Variants in NRG1 observed in about 807,000 individuals in gnomAD.
NRG1 encodes neuregulin 1.
Under a neutral mutation model 63.8 loss-of-function variants are expected in NRG1, and 18 were observed. The observed-to-expected ratio is 0.28, with a 90% CI of 0.19 to 0.42. The LOEUF (loss-of-function observed/expected upper bound fraction) is 0.42. Ranked by LOEUF, NRG1 falls within the 10% of genes least tolerant of loss-of-function variation. The pLI is 1.00. For missense variants in NRG1, 762 were observed against 814.7 expected, an observed-to-expected ratio of 0.94 and a Z score of 0.79; for synonymous variants, 302 against 301.3, an observed-to-expected ratio of 1.00 and a Z score of -0.02.
intron 1 of NRG1, among the ~76,000 whole-genome samples, chr8:32,215,394 A>T (rs1261089755): frequency 6.6e-6 from 1 of 152,102 alleles, no homozygotes; most frequent in Non-Finnish European, 1.5e-5. Flanking sequence ...AGCTGTTAAC[A>T]CCTCTGCAGC....
intron 1 of NRG1, among the ~76,000 whole-genome samples, chr8:31,767,486 T>G (rs1361048769): frequency 6.6e-6 from 1 of 152,170 alleles, no homozygotes; most frequent in Non-Finnish European, 1.5e-5. Flanking sequence ...TTGAATCTAC[T>G]CTAACTCCTG....
intron 1 of NRG1, among the ~76,000 whole-genome samples, chr8:32,233,166 A>C (rs4559205): frequency 1.3e-5 from 2 of 151,676 alleles, no homozygotes; most frequent in Admixed American, 1.3e-4. Context: ...CAGTGGTGCA[A>C]TTATGGCTCA....
intron 1 of NRG1, among the ~76,000 whole-genome samples, chr8:31,892,084 A>G (rs572706136): frequency 1.8e-4 from 27 of 152,110 alleles, no homozygotes; most frequent in Non-Finnish European, 3.7e-4. Flanking sequence ...ATGAGTGTCA[A>G]TATCCTGAAT....
Position 32,763,999 on chromosome 8 carries a change from A to G in NRG1, c.1511A>G (p.His504Arg), listed in dbSNP as rs768358593. The G allele has an allele frequency of 2.5e-6, 4 of 1,614,068 alleles. No individual in the cohort carries two copies. In the South Asian group the frequency reaches 3.3e-5, roughly 13 times the overall value. Residue 504 changes from histidine (H) to arginine (R), a missense_variant, in exon 12 of 12, where the codon CAT (histidine) becomes CGT (arginine). His to Arg is a conservative substitution (Grantham distance 29). Transcript: ENST00000356819. ...AGCTCCTTCCACCACAACCCCGCGC[A>G]TGACAGTAACAGCCTCCCTGCTAGC...
chr8:32,721,942 A>G (rs1820749063), intron 5 of NRG1: 1 of 1,534,330 alleles, frequency 6.5e-7, no homozygotes, highest in Non-Finnish European at 8.8e-7. Context: ...CAAAGGAGCT[A>G]TATTCAGAGC....
At chr8:31,693,234 C>T (rs939694136) in intron 1 of NRG1, among the ~76,000 whole-genome samples, 1 of 152,158 alleles carries the variant, frequency 6.6e-6, no homozygotes, top group African/African-American at 2.4e-5. Flanking sequence ...TTTCTATGGG[C>T]TGAGGGGAGC....
At chr8:32,238,819 T>C (rs575939785) in intron 1 of NRG1, among the ~76,000 whole-genome samples, 10 of 152,310 alleles carry the variant, frequency 6.6e-5, no homozygotes, top group African/African-American at 1.9e-4. Context: ...TTGGTAGAAC[T>C]CATGGTAGGT....
At chr8:32,383,654 T>C (rs1423810861) in intron 1 of NRG1, among the ~76,000 whole-genome samples, 1 of 152,250 alleles carries the variant, frequency 6.6e-6, no homozygotes, top group Non-Finnish European at 1.5e-5. Context: ...TGCCAGCTTT[T>C]GTGACTTGGA....
intron 1 of NRG1, among the ~76,000 whole-genome samples, chr8:32,142,110 T>C (rs1332012554): frequency 6.6e-6 from 1 of 152,182 alleles, no homozygotes. Flanking sequence ...ATAGCTTGCC[T>C]ACCCTAAAAC....
At chr8:31,970,195 G>A (rs1807046429) in intron 1 of NRG1, among the ~76,000 whole-genome samples, 1 of 151,970 alleles carries the variant, frequency 6.6e-6, no homozygotes, top group Non-Finnish European at 1.5e-5. Context: ...TCCTCTACAA[G>A]GTTCTGAAGA....
intron 1 of NRG1, among the ~76,000 whole-genome samples, chr8:32,053,653 A>G (rs894457045): frequency 6.6e-6 from 1 of 152,218 alleles, no homozygotes; most frequent in African/African-American, 2.4e-5. Flanking sequence ...AACAAGGGTC[A>G]AAGATTAAAG....
At chr8:31,848,872 C>T (rs1232802407) in intron 1 of NRG1, among the ~76,000 whole-genome samples, 2 of 152,096 alleles carry the variant, frequency 1.3e-5, no homozygotes, top group Non-Finnish European at 2.9e-5. Flanking sequence ...TTATATATCA[C>T]AATGTAATAA....
chr8:32,744,702 G>A, intron 7 of NRG1, among the ~76,000 whole-genome samples: 1 of 151,992 alleles, frequency 6.6e-6, no homozygotes, highest in East Asian at 1.9e-4. Flanking sequence ...GTTTTACTGT[G>A]CTTTGAAGGC....
At chr8:32,556,945 C>T (rs560973550) in intron 1 of NRG1, among the ~76,000 whole-genome samples, 64 of 152,242 alleles carry the variant, frequency 4.2e-4, no homozygotes, top group African/African-American at 6.7e-4. Context: ...TGTGTTATTA[C>T]GTATAGTAAG....
At chr8:31,657,242 C>T (rs115110587) in intron 1 of NRG1, among the ~76,000 whole-genome samples, 1,959 of 152,166 alleles carry the variant, frequency 0.013, 26 homozygotes, top group Middle Eastern at 0.061. Context: ...AATTTTAATA[C>T]AGTGTAAATA....
chr8:31,897,674 A>G (rs1005109185), intron 1 of NRG1, among the ~76,000 whole-genome samples: 5 of 152,048 alleles, frequency 3.3e-5, no homozygotes, highest in African/African-American at 1.2e-4. Flanking sequence ...CCTTCTATTC[A>G]TTCTAGGTCT....
At chr8:31,854,306 C>T (rs1400101861) in intron 1 of NRG1, among the ~76,000 whole-genome samples, 7 of 152,020 alleles carry the variant, frequency 4.6e-5, no homozygotes, top group African/African-American at 1.2e-4. Context: ...TATTGGTCTA[C>T]TCAGAGATTC....
chr8:32,081,697 A>G (rs553285094), intron 1 of NRG1, among the ~76,000 whole-genome samples: 1 of 152,174 alleles, frequency 6.6e-6, no homozygotes, highest in South Asian at 2.1e-4. Context: ...ATATTTACTA[A>G]AATCTTGGGA....
At chr8:32,416,804 C>T (rs1815981524) in intron 1 of NRG1, among the ~76,000 whole-genome samples, 2 of 152,102 alleles carry the variant, frequency 1.3e-5, no homozygotes, top group Non-Finnish European at 2.9e-5. Context: ...CCTCCTACAA[C>T]AGCCTCTGAA....
Sources: gnomAD v4.1 joint callset for allele counts (sites outside exome capture counted in the v4.1 genomes callset) on GRCh38, gnomAD v4.1.1 for gene constraint, MANE v1.5 for transcripts, NCBI Gene and HGNC (gene_info 2026-07-23, HGNC 2026-07-21) for gene names.